The following ADAMTSL1 variants were observed in gnomAD, a reference collection of about 807,000 sequenced individuals.
The protein encoded by ADAMTSL1 is ADAMTS-like protein 1.
In ADAMTSL1, 126 loss-of-function variants were observed where a neutral mutation model predicts 201.8. The ratio of observed to expected loss-of-function variants is 0.62; its 90% CI spans 0.54 to 0.72. ADAMTSL1 has a LOEUF of 0.72. Among genes scored for constraint, ADAMTSL1 ranks in the 30% least tolerant of loss-of-function variants. The pLI is 0.00. For missense variants in ADAMTSL1, 2,679 were observed against 2,277.8 expected, an observed-to-expected ratio of 1.18 and a Z score of -3.59; for synonymous variants, 1,121 against 903.4, an observed-to-expected ratio of 1.24 and a Z score of -4.32.
chr9:17,957,774 G>A (rs1409917782), intron 1 of ADAMTSL1, among the ~76,000 whole-genome samples: 1 of 152,168 alleles, frequency 6.6e-6, no homozygotes, highest in Non-Finnish European at 1.5e-5. Flanking sequence ...ATGCAGAGAA[G>A]GCTGTGTGAA....
At chr9:17,926,480 C>A (rs1244790212) in intron 1 of ADAMTSL1, among the ~76,000 whole-genome samples, 1 of 152,184 alleles carries the variant, frequency 6.6e-6, no homozygotes, top group African/African-American at 2.4e-5. Flanking sequence ...AGCTCCATCT[C>A]AACCCGCATT....
chr9:18,272,228 A>T (rs2132584471), intron 2 of ADAMTSL1, among the ~76,000 whole-genome samples: 1 of 152,278 alleles, frequency 6.6e-6, no homozygotes, highest in East Asian at 1.9e-4. Context: ...TACAGTAACC[A>T]AAACAGCATG....
chr9:18,117,899 G>T (rs567103756), intron 1 of ADAMTSL1, among the ~76,000 whole-genome samples: 99 of 152,226 alleles, frequency 6.5e-4, no homozygotes, highest in Non-Finnish European at 1.2e-3. Context: ...CCACATGAGG[G>T]TTACAAATTT....
At chr9:17,942,766 T>C (rs879463426) in intron 1 of ADAMTSL1, among the ~76,000 whole-genome samples, 5 of 152,188 alleles carry the variant, frequency 3.3e-5, no homozygotes, top group Non-Finnish European at 7.4e-5. Context: ...TACCTGCTTT[T>C]CTGGCTGCCA....
At chr9:18,801,694 G>C (rs914148184) in intron 20 of ADAMTSL1, among the ~76,000 whole-genome samples, 1 of 152,126 alleles carries the variant, frequency 6.6e-6, no homozygotes, top group Non-Finnish European at 1.5e-5. Flanking sequence ...CAAAAGACAT[G>C]ATCTTGTTCC....
At chr9:17,970,594 G>T (rs560313755) in intron 1 of ADAMTSL1, among the ~76,000 whole-genome samples, 3 of 152,054 alleles carry the variant, frequency 2.0e-5, no homozygotes, top group South Asian at 4.2e-4. Flanking sequence ...CTGTATTTTT[G>T]CTGTTTCCTG....
chr9:18,743,961 C>T (rs1173219256), intron 15 of ADAMTSL1, among the ~76,000 whole-genome samples: 1 of 152,206 alleles, frequency 6.6e-6, no homozygotes, highest in Non-Finnish European at 1.5e-5. Context: ...CTCCTCCAGT[C>T]CTTAGAGACT....
intron 17 of ADAMTSL1, among the ~76,000 whole-genome samples, chr9:18,775,050 CT>C (rs11299398): frequency 0.3 from 44,878 of 147,750 alleles, 6,963 homozygotes; most frequent in South Asian, 0.44. Context: ...CACTTGTTGT[CT>C]TTTTTTTTTA....
At chr9:18,246,379 AT>A (rs1342992332) in intron 2 of ADAMTSL1, among the ~76,000 whole-genome samples, 34 of 152,274 alleles carry the variant, frequency 2.2e-4, no homozygotes, top group African/African-American at 8.2e-4. Context: ...GTGTATTACC[AT>A]TTGGAAACAC....
intron 2 of ADAMTSL1, among the ~76,000 whole-genome samples, chr9:18,232,251 T>A (rs1830670463): frequency 1.3e-5 from 2 of 152,184 alleles, no homozygotes; most frequent in South Asian, 4.1e-4. Flanking sequence ...TGCTGTTCCC[T>A]CTACTTGGAC....
At chr9:18,658,270 G>A (rs920509236) in intron 8 of ADAMTSL1, among the ~76,000 whole-genome samples, 2 of 152,152 alleles carry the variant, frequency 1.3e-5, no homozygotes, top group African/African-American at 2.4e-5. Context: ...CACCGTGCCC[G>A]ACCGAGGAAA....
chr9:18,838,965 G>A (rs1298516954), intron 23 of ADAMTSL1, among the ~76,000 whole-genome samples: 1 of 149,138 alleles, frequency 6.7e-6, no homozygotes, highest in African/African-American at 2.5e-5. Context: ...CTTAGGTGCT[G>A]TTCAAGTATC....
At chr9:18,469,396 C>CT (rs377315253), upstream of ADAMTSL1, among the ~76,000 whole-genome samples, 1 of 152,282 alleles carries the variant, frequency 6.6e-6, no homozygotes, top group African/African-American at 2.4e-5. Flanking sequence ...AGTTGGGATT[C>CT]TGTTGCAAAG....
chr9:18,112,565 C>G (rs1361291567), intron 1 of ADAMTSL1, among the ~76,000 whole-genome samples: 1 of 151,860 alleles, frequency 6.6e-6, no homozygotes, highest in Admixed American at 6.6e-5. Flanking sequence ...ACCAACTGCA[C>G]CCATGTTTTT....
chr9:18,006,034 A>G (rs1017199721), intron 1 of ADAMTSL1, among the ~76,000 whole-genome samples: 1 of 151,930 alleles, frequency 6.6e-6, no homozygotes, highest in Non-Finnish European at 1.5e-5. Flanking sequence ...AGTACACCAT[A>G]TATATTCGGT....
chr9:17,964,932 G>A (rs576234956), intron 1 of ADAMTSL1, among the ~76,000 whole-genome samples: 6 of 152,016 alleles, frequency 3.9e-5, no homozygotes, highest in Non-Finnish European at 5.9e-5. Context: ...GTGCAGTGGC[G>A]TGATCTTGGC....
chr9:18,871,030 G>C (rs1241948987), intron 23 of ADAMTSL1, among the ~76,000 whole-genome samples: 1 of 152,080 alleles, frequency 6.6e-6, no homozygotes, highest in African/African-American at 2.4e-5. Context: ...AAATATTCAA[G>C]ATCCAGAAGT....
chr9:18,718,598 C>T (rs955751554), intron 14 of ADAMTSL1: 9 of 399,966 alleles, frequency 2.3e-5, no homozygotes, highest in African/African-American at 1.5e-4. Flanking sequence ...TCACTCCCTC[C>T]GGGTTGCTAC....
At chr9:18,106,203 T>C (rs1824756199) in intron 1 of ADAMTSL1, among the ~76,000 whole-genome samples, 1 of 152,222 alleles carries the variant, frequency 6.6e-6, no homozygotes, top group African/African-American at 2.4e-5. Context: ...ACTTGCATCT[T>C]GTTCTCCCTG....
Sources: allele counts gnomAD v4.1 joint callset (sites outside exome capture counted in the v4.1 genomes callset), GRCh38; gene constraint gnomAD v4.1.1; transcripts MANE v1.5; gene names NCBI Gene and HGNC (gene_info 2026-07-23, HGNC 2026-07-21).